Variants in SMAP1 observed in about 807,000 individuals in gnomAD.
SMAP1 encodes small ArfGAP 1.
Under a neutral mutation model 58.5 loss-of-function variants are expected in SMAP1, and 24 were observed. That is an observed-to-expected ratio of 0.41 (90% CI 0.30 to 0.58). SMAP1 has a LOEUF of 0.58. Among genes scored for constraint, SMAP1 ranks in the 20% least tolerant of loss-of-function variants. The pLI is 0.29. For missense variants in SMAP1, 563 were observed against 566.3 expected (o/e 0.99, Z 0.06); for synonymous variants, 216 against 196.6 (o/e 1.10, Z -0.82).
At chr6:70,761,102 A>G (rs1290153960) in intron 3 of SMAP1, among the ~76,000 whole-genome samples, 1 of 152,062 alleles carries the variant, frequency 6.6e-6, no homozygotes, top group African/African-American at 2.4e-5. Context: ...GGGAGTAGAT[A>G]TTAATTTAGT....
chr6:70,811,708 C>T (rs1234991916), intron 6 of SMAP1, among the ~76,000 whole-genome samples: 1 of 152,144 alleles, frequency 6.6e-6, no homozygotes, highest in African/African-American at 2.4e-5. Flanking sequence ...TATAGTAATA[C>T]AGTACAATGC....
chr6:70,696,662 A>G (rs994855299), intron 1 of SMAP1, among the ~76,000 whole-genome samples: 1 of 152,216 alleles, frequency 6.6e-6, no homozygotes, highest in Non-Finnish European at 1.5e-5. Flanking sequence ...GTGGCCCAGC[A>G]TATAGTCTAT....
At position 70,751,855 on chromosome 6, in the gene SMAP1, C is replaced by T. The variant is rs967694724; in HGVS notation, c.253-3125C>T. ...ATTACCAATAATTTAAAAAATAGAACTTAGTTTTTCTTTTAGACAAAAGTA... is the reference window on the plus strand; with the variant it reads ...ATTACCAATAATTTAAAAAATAGAATTTAGTTTTTCTTTTAGACAAAAGTA... On this transcript the variant is annotated intron_variant, in intron 2 of 10. Coordinates refer to ENST00000370455, the MANE Select transcript of SMAP1 (RefSeq NM_001044305.3). 6.6e-5 allele frequency among the ~76,000 whole-genome samples: 10 copies of T among 152,208 alleles called. No homozygotes were observed. In the East Asian group the frequency reaches 1.9e-3, roughly 29 times the overall value.
chr6:70,815,072 GC>G (rs1769560325), intron 6 of SMAP1, among the ~76,000 whole-genome samples: 1 of 152,094 alleles, frequency 6.6e-6, no homozygotes, highest in Non-Finnish European at 1.5e-5. Flanking sequence ...AAATTTATCT[GC>G]TGTAGGTTTG....
intron 1 of SMAP1, among the ~76,000 whole-genome samples, chr6:70,723,544 C>G (rs1048450683): frequency 7.9e-5 from 12 of 152,196 alleles, no homozygotes; most frequent in African/African-American, 2.4e-4. Flanking sequence ...TTTCCCTCCC[C>G]CTTTCTCACC....
In SMAP1 at chr6:70,668,121, G is replaced by A. The variant is rs1766106308; in HGVS notation, c.98G>A (p.Cys33Tyr). 2 of 1,600,602 alleles carry A rather than the reference G, an allele frequency of 1.2e-6. No homozygotes were observed. Among genetic ancestry groups the A allele is most frequent in the Non-Finnish European group, 8.5e-7 (1 of 1,174,574 alleles). The change falls in exon 1 of 11, where the codon TGC becomes TAC. Residue 33 changes from cysteine (C) to tyrosine (Y), a missense_variant. This residue lies in a region of SMAP1 where 52 missense variants were observed against 46.6 expected (regional missense o/e 1.11). Coordinates refer to ENST00000370455, the MANE Select transcript of SMAP1 (RefSeq NM_001044305.3). Reference protein sequence around the residue: ...KLLREEDNKYCADCEAKGPRW... With the variant: ...KLLREEDNKYYADCEAKGPRW... ...CTGAGGGAGGAGGACAACAAGTACT[G>A]CGCCGACTGCGAGGCCAAAGGTAGC...
chr6:70,773,173 T>G (rs1048888263), intron 3 of SMAP1, 177 bp from the exon 4 acceptor site: 23 of 482,480 alleles, frequency 4.8e-5, no homozygotes, highest in African/African-American at 4.7e-4. Context: ...GAGGTAGACT[T>G]CTTTAAGAGA....
intron 4 of SMAP1, among the ~76,000 whole-genome samples, chr6:70,779,701 A>G (rs1460086696): frequency 2.6e-5 from 4 of 151,954 alleles, no homozygotes; most frequent in East Asian, 1.9e-4. Context: ...ACTGATTCCT[A>G]CTGTTCTCCC....
chr6:70,709,065 A>G (rs1193724847), intron 1 of SMAP1, among the ~76,000 whole-genome samples: 1 of 142,986 alleles, frequency 7.0e-6, no homozygotes, highest in Non-Finnish European at 1.5e-5. Context: ...TTTTCCCTAT[A>G]TTTTCTTCTA....
intron 3 of SMAP1, among the ~76,000 whole-genome samples, chr6:70,772,284 A>C (rs140260859): frequency 6.6e-6 from 1 of 152,256 alleles, no homozygotes; most frequent in East Asian, 1.9e-4. Context: ...CTGTTGCCTC[A>C]ACTGTCATTT....
intron 1 of SMAP1, among the ~76,000 whole-genome samples, chr6:70,720,518 G>T (rs1350319209): frequency 6.6e-6 from 1 of 152,216 alleles, no homozygotes; most frequent in Non-Finnish European, 1.5e-5. Flanking sequence ...TAGGGACTCT[G>T]TGTGGGGGCT....
intron 4 of SMAP1, among the ~76,000 whole-genome samples, chr6:70,775,527 T>C (rs6455379): frequency 0.034 from 5,131 of 152,288 alleles, 319 homozygotes; most frequent in African/African-American, 0.12. Flanking sequence ...TTAAATGTTA[T>C]GATACCTAAC....
In SMAP1 at chr6:70,798,689, G is replaced by A. The variant is rs752156995; in HGVS notation, c.528G>A (p.Lys176=). The part of the protein sequence containing the change: ...KEKEKKKEEK[K]REKEPEKPAK... ...AGGAAAAAAAAAAGGAAGAGAAAAA[G>A]AGAGAAAAGGAGCCAGAAAAGCCGG... is the stretch of plus-strand genomic sequence containing the variant. Residue 176 remains lysine (K), a synonymous_variant, in exon 6 of 11, where the codon AAG becomes AAA. Transcript: ENST00000370455. 1.3e-6 allele frequency: 2 copies of A among 1,550,162 alleles called. No individual in the cohort carries two copies. Among genetic ancestry groups the A allele is most frequent in the South Asian group, 2.5e-5 (2 of 79,254 alleles).
At chr6:70,857,095 T>G in intron 9 of SMAP1, 65 bp downstream of exon 9, 2 of 1,414,048 alleles carry the variant, frequency 1.4e-6, no homozygotes, top group Non-Finnish European at 9.5e-7. Flanking sequence ...AATTATATAA[T>G]AAGATCAATT....
At chr6:70,784,119 C>A in intron 4 of SMAP1, among the ~76,000 whole-genome samples, 1 of 152,320 alleles carries the variant, frequency 6.6e-6, no homozygotes, top group Middle Eastern at 3.4e-3. Flanking sequence ...AGAAACTCTA[C>A]AAGCCAGAAG....
intron 6 of SMAP1, among the ~76,000 whole-genome samples, chr6:70,820,639 G>C (rs1439266663): frequency 6.6e-6 from 1 of 151,962 alleles, no homozygotes; most frequent in Non-Finnish European, 1.5e-5. Flanking sequence ...CCAGGAGGCT[G>C]AGGTTGTAGT....
intron 8 of SMAP1, among the ~76,000 whole-genome samples, chr6:70,855,882 A>AT (rs1771397338): frequency 6.6e-6 from 1 of 152,232 alleles, no homozygotes; most frequent in South Asian, 2.1e-4. Context: ...TTTTTGGAAA[A>AT]TTAAGCGGCT....
intron 3 of SMAP1, among the ~76,000 whole-genome samples, chr6:70,770,167 TG>T (rs1473401236): frequency 1.3e-5 from 2 of 151,858 alleles, no homozygotes; most frequent in Non-Finnish European, 2.9e-5. Context: ...CCTTTCTCTC[TG>T]GCTGCCCTTA....
rs958355019 is a variant in SMAP1, at chr6:70,793,374, A to G, written c.495+1605A>G. Among the ~76,000 whole-genome samples, 14 of 152,210 alleles carry G rather than the reference A, an allele frequency of 9.2e-5. No individual in the cohort carries two copies. In the East Asian group the frequency reaches 1.7e-3, roughly 19 times the overall value. ...GAGAGGTCTTAAGAAGGTACAGTCTATGGGGTTTAGTAATTGGTGTCTTGT... is the reference window on the plus strand; with the variant it reads ...GAGAGGTCTTAAGAAGGTACAGTCTGTGGGGTTTAGTAATTGGTGTCTTGT... On this transcript the variant is annotated intron_variant, in intron 5 of 10. Coordinates refer to ENST00000370455, the MANE Select transcript of SMAP1 (RefSeq NM_001044305.3).
Sources: gnomAD v4.1 joint callset for allele counts (sites outside exome capture counted in the v4.1 genomes callset) on GRCh38, gnomAD v4.1.1 for gene constraint, gnomAD v4.1.1 regional missense constraint, MANE v1.5 for transcripts, NCBI Gene and HGNC (gene_info 2026-07-23, HGNC 2026-07-21) for gene names.